The following MAN1C1 variants were observed in gnomAD, a reference collection of about 807,000 sequenced individuals.
MAN1C1 encodes mannosidase alpha class 1C member 1, also known as mannosyl-oligosaccharide 1,2-alpha-mannosidase IC.
A neutral mutation model predicts 71.5 loss-of-function variants in MAN1C1; 49 were observed. The observed-to-expected ratio is 0.69, with a 90% CI of 0.54 to 0.87. The LOEUF is 0.87. Ranked by LOEUF, MAN1C1 falls within the 40% of genes least tolerant of loss-of-function variation. The pLI is 0.00. For missense variants in MAN1C1, 743 were observed against 835.0 expected, an observed-to-expected ratio of 0.89 and a Z score of 1.36; for synonymous variants, 352 against 343.7, an observed-to-expected ratio of 1.02 and a Z score of -0.27.
At position 25,763,861 on chromosome 1, in the gene MAN1C1, C is replaced by T. The variant is rs750259181; in HGVS notation, c.1048-13C>T. On this transcript the variant is annotated splice_polypyrimidine_tract_variant and intron_variant, in intron 6 of 11. Transcript: ENST00000374332. Reference sequence around the variant, plus strand: ...GAAGCATGAAGGCTCACCTGGTGTCCGTCTCTCGGCAGGTCAGGAACATCC... The same window carrying T: ...GAAGCATGAAGGCTCACCTGGTGTCTGTCTCTCGGCAGGTCAGGAACATCC... 3.4e-5 allele frequency: 55 copies of T among 1,611,144 alleles called. No homozygotes were observed. In the Admixed American group the frequency reaches 5.5e-4, roughly 16 times the overall value.
rs1212319092 is a variant in MAN1C1, at chr1:25,634,102, A to C, written c.540+15765A>C. 1.3e-5 allele frequency among the ~76,000 whole-genome samples: 2 copies of C among 152,154 alleles called. No homozygotes were observed. The highest frequency in any genetic ancestry group is 3.8e-4 in the East Asian group (2 of 5,198). ...TGTATCATATGACCTTATTGAACCAATTTATTATGTATATATATTTTTTGG... is the reference window on the plus strand; with the variant it reads ...TGTATCATATGACCTTATTGAACCACTTTATTATGTATATATATTTTTTGG... On this transcript the variant is annotated intron_variant, in intron 1 of 11. Transcript: ENST00000374332. This position sits in a 1 kb window ranked among gnomAD's most constrained non-coding sequence, Gnocchi z 4.6.
rs2047640960 is a variant in MAN1C1, at chr1:25,778,003, C to T, written c.1258-102C>T. 4 of 878,182 alleles carry T rather than the reference C, an allele frequency of 4.6e-6. No homozygotes were observed. The highest frequency in any genetic ancestry group is 3.4e-5 in the African/African-American group (2 of 58,922). The allele number at this position is 878,182 out of a possible 1,614,324, so 54.4% of individuals were successfully genotyped here. A position where few individuals can be genotyped will look rare whatever the true frequency, so the allele number is the denominator to read the frequency against. The stretch of plus-strand genomic sequence containing the variant: ...TGGGATGGAGGGCTTGGCAGAGCTG[C>T]CCTTGCTACTGTCTCCAAAATGTTC... On this transcript the variant is annotated intron_variant, in intron 8 of 11. Coordinates refer to ENST00000374332, the MANE Select transcript of MAN1C1 (RefSeq NM_020379.4). The surrounding 1 kb of genome is among the most constrained non-coding windows in gnomAD (Gnocchi z 5.5).
At chr1:25,636,611 A>C (rs1302868764) in intron 1 of MAN1C1, among the ~76,000 whole-genome samples, 1 of 152,190 alleles carries the variant, frequency 6.6e-6, no homozygotes, top group Non-Finnish European at 1.5e-5. Flanking sequence ...TTCAAGGTAC[A>C]CTGATTTCAT....
chr1:25,713,940 A>G (rs2046646660), intron 2 of MAN1C1, among the ~76,000 whole-genome samples: 1 of 152,188 alleles, frequency 6.6e-6, no homozygotes, highest in Non-Finnish European at 1.5e-5. Context: ...TGTTTCCTGT[A>G]GCCCCTCCTC....
chr1:25,775,737 C>T lies in MAN1C1; in HGVS notation c.1258-2368C>T, dbSNP rs971555235. 6.0e-5 allele frequency among the ~76,000 whole-genome samples: 9 copies of T among 150,504 alleles called. No individual in the cohort carries two copies. Among genetic ancestry groups the T allele is most frequent in the African/African-American group, 2.0e-4 (8 of 40,526 alleles). ...AGGGCTGGAGCATGCAGGAAGGAGG[C>T]GCAGCACCAGCTAAGCCCCGAAGCA... On this transcript the variant is annotated intron_variant, in intron 8 of 11. Coordinates refer to ENST00000374332, the MANE Select transcript of MAN1C1 (RefSeq NM_020379.4). This position sits in a 1 kb window ranked among gnomAD's most constrained non-coding sequence, Gnocchi z 5.1.
At chr1:25,704,579 G>A (rs755381587) in intron 2 of MAN1C1, among the ~76,000 whole-genome samples, 10 of 152,228 alleles carry the variant, frequency 6.6e-5, no homozygotes, top group Non-Finnish European at 1.5e-4. Flanking sequence ...TGGTACATGT[G>A]TAGAGGTGCT....
chr1:25,781,952 G>A (rs1009021450), intron 10 of MAN1C1, among the ~76,000 whole-genome samples: 3 of 152,168 alleles, frequency 2.0e-5, no homozygotes, highest in South Asian at 2.1e-4. Flanking sequence ...GCATGGTGAC[G>A]CACGCCTATA....
At chr1:25,708,181 T>G (rs11247604) in intron 2 of MAN1C1, among the ~76,000 whole-genome samples, 11,358 of 152,318 alleles carry the variant, frequency 0.075, 614 homozygotes, top group East Asian at 0.18. Context: ...CAGTTATTTC[T>G]TGACCATATG....
At chr1:25,650,420 C>T (rs1432743630) in intron 1 of MAN1C1, among the ~76,000 whole-genome samples, 1 of 152,150 alleles carries the variant, frequency 6.6e-6, no homozygotes, top group Admixed American at 6.5e-5. Context: ...CCAGTGTTTG[C>T]TCTTCTGAGG....
chr1:25,768,836 A>G (rs1056959192), intron 7 of MAN1C1, among the ~76,000 whole-genome samples: 1 of 36,220 alleles, frequency 2.8e-5, no homozygotes, highest in African/African-American at 1.0e-4. Flanking sequence ...CCTCACACAC[A>G]CCACACACAT....
intron 2 of MAN1C1, among the ~76,000 whole-genome samples, chr1:25,713,807 C>T (rs2124255274): frequency 6.6e-6 from 1 of 152,314 alleles, no homozygotes; most frequent in East Asian, 1.9e-4. Flanking sequence ...CAGTTTAACA[C>T]AGCACCAGAG....
chr1:25,706,530 A>C (rs1315052632), intron 2 of MAN1C1, among the ~76,000 whole-genome samples: 1 of 151,958 alleles, frequency 6.6e-6, no homozygotes, highest in Non-Finnish European at 1.5e-5. Context: ...GGCGGGGGGG[A>C]ATCCTTGCAG....
chr1:25,635,652 TTG>T (rs1237110955), intron 1 of MAN1C1, among the ~76,000 whole-genome samples: 1 of 152,144 alleles, frequency 6.6e-6, no homozygotes, highest in Non-Finnish European at 1.5e-5. Flanking sequence ...TTTCACCATG[TTG>T]GTCAGGCTGG....
At chr1:25,755,704 A>G (rs2047276445) in intron 5 of MAN1C1, among the ~76,000 whole-genome samples, 1 of 152,196 alleles carries the variant, frequency 6.6e-6, no homozygotes, top group African/African-American at 2.4e-5. Context: ...AAACTTAATT[A>G]GAATCCAGGT....
At chr1:25,727,985 A>G (rs2046856340) in intron 2 of MAN1C1, among the ~76,000 whole-genome samples, 1 of 152,232 alleles carries the variant, frequency 6.6e-6, no homozygotes, top group South Asian at 2.1e-4. Context: ...CAGGGAATGC[A>G]GTTTCCTGTT....
At position 25,784,026 on chromosome 1, in the gene MAN1C1, T is replaced by C; in HGVS notation, c.*237T>C. 1 of 449,530 alleles carries C rather than the reference T, an allele frequency of 2.2e-6. No homozygotes were observed. Among genetic ancestry groups the C allele is most frequent in the Non-Finnish European group, 3.9e-6 (1 of 257,086 alleles). The allele number at this position is 449,530 out of a possible 1,614,324, so 27.8% of individuals were successfully genotyped here. On this transcript the variant is annotated 3_prime_UTR_variant, in exon 12 of 12. Coordinates refer to ENST00000374332, the MANE Select transcript of MAN1C1 (RefSeq NM_020379.4). ...CATTCCTTTCTACAGAGAATTTCTA[T>C]GAAGCCCACTCACTTGCCATTCCAG...
At chr1:25,771,585 G>A in intron 7 of MAN1C1, 72 bp from the exon 8 acceptor site, 1 of 1,164,102 alleles carries the variant, frequency 8.6e-7, no homozygotes, top group South Asian at 1.3e-5. Flanking sequence ...GGTCAGGCGG[G>A]TGTGCGAGGC....
At chr1:25,643,595 A>ATTATTAT (rs1557745760) in intron 1 of MAN1C1, among the ~76,000 whole-genome samples, 2 of 142,048 alleles carry the variant, frequency 1.4e-5, no homozygotes, top group East Asian at 2.0e-4. Flanking sequence ...ATTTATTATT[A>ATTATTAT]TTATTATTAT....
intron 1 of MAN1C1, among the ~76,000 whole-genome samples, chr1:25,679,909 C>T (rs1446506945): frequency 7.4e-6 from 1 of 134,864 alleles, no homozygotes; most frequent in Non-Finnish European, 1.5e-5. Flanking sequence ...TGGGTAGAGG[C>T]CTAGGTGACA....
Sources: gnomAD v4.1 joint callset for allele counts (sites outside exome capture counted in the v4.1 genomes callset) on GRCh38, gnomAD v4.1.1 for gene constraint, Gnocchi (gnomAD v3.1) non-coding constraint, MANE v1.5 for transcripts, NCBI Gene and HGNC (gene_info 2026-07-23, HGNC 2026-07-21) for gene names.